Variants in RUNX1 observed in about 807,000 individuals in gnomAD.
RUNX1 encodes the protein runt-related transcription factor 1.
In RUNX1, 19 loss-of-function variants were observed where a neutral mutation model predicts 42.8. That is an observed-to-expected ratio of 0.44 (90% CI 0.31 to 0.65). RUNX1 has a LOEUF of 0.65. Among genes scored for constraint, RUNX1 ranks in the 30% least tolerant of loss-of-function variants. The probability of loss-of-function intolerance (pLI) is 0.07; values close to 1 mark genes in which losing one functional copy is unlikely to be tolerated. For synonymous variants in RUNX1, 271 were observed against 289.4 expected (o/e 0.94, Z 0.64); for missense variants, 528 against 672.0 (o/e 0.79, Z 2.37).
At chr21:34,948,147 G>C (rs9981056) in intron 2 of RUNX1, among the ~76,000 whole-genome samples, 1,982 of 151,014 alleles carry the variant, frequency 0.013, 39 homozygotes, top group African/African-American at 0.046. Context: ...TTCAGCTCTA[G>C]ATTTAGAATA....
intron 7 of RUNX1, among the ~76,000 whole-genome samples, chr21:34,814,391 T>C (rs2056797628): frequency 6.6e-6 from 1 of 152,168 alleles, no homozygotes; most frequent in Admixed American, 6.5e-5. Flanking sequence ...TGTGTGCGCC[T>C]TTTCTTCTAA....
intron 6 of RUNX1, among the ~76,000 whole-genome samples, chr21:34,835,046 A>ACTGG (rs1555890058): frequency 6.6e-6 from 1 of 152,180 alleles, no homozygotes; most frequent in Non-Finnish European, 1.5e-5. Context: ...AAACCCAGCC[A>ACTGG]CTGGCACGTT....
intron 2 of RUNX1, among the ~76,000 whole-genome samples, chr21:34,929,473 C>G (rs2058423854): frequency 6.6e-6 from 1 of 152,136 alleles, no homozygotes; most frequent in African/African-American, 2.4e-5. Flanking sequence ...TCTCTCTGCT[C>G]TTTATCTAAG....
At position 34,937,429 on chromosome 21, in the gene RUNX1, G is replaced by A. The variant is rs1000632704; in HGVS notation, c.59-44466C>T. On this transcript the variant is annotated intron_variant, in intron 2 of 8. Transcript: ENST00000675419. ...CTGAAATCATGCCTATAAGTTAATC[G>A]ATGAAGTTTTCTTTTATTCCTCAGT... Among the ~76,000 whole-genome samples the A allele has an allele frequency of 5.3e-5, 8 of 151,122 alleles. No individual in the cohort carries two copies. The South Asian group carries it at 1.5e-3, about 28-fold the overall frequency.
intron 3 of RUNX1, among the ~76,000 whole-genome samples, chr21:34,890,235 G>T (rs2058064502): frequency 6.6e-6 from 1 of 152,032 alleles, no homozygotes; most frequent in South Asian, 2.1e-4. Flanking sequence ...CTCCCTGGAC[G>T]CCGCGCGCAG....
chr21:35,026,924 G>A (rs1328818573), intron 2 of RUNX1, among the ~76,000 whole-genome samples: 1 of 152,242 alleles, frequency 6.6e-6, no homozygotes, highest in East Asian at 1.9e-4. Context: ...TGGTTTTCTC[G>A]CTCTCGCAAC....
chr21:34,934,380 A>G (rs539264458), intron 2 of RUNX1, among the ~76,000 whole-genome samples: 74 of 152,030 alleles, frequency 4.9e-4, no homozygotes, highest in Admixed American at 1.0e-3. Flanking sequence ...TTGCATCTAG[A>G]TATTTATTGA....
intron 5 of RUNX1, among the ~76,000 whole-genome samples, chr21:34,868,493 C>A (rs1008307586): frequency 4.6e-5 from 7 of 152,172 alleles, no homozygotes; most frequent in Non-Finnish European, 1.0e-4. Context: ...CCCCAACCAC[C>A]GCCACTGGAG....
chr21:34,852,388 C>T (rs2057434894), intron 6 of RUNX1, among the ~76,000 whole-genome samples: 1 of 152,174 alleles, frequency 6.6e-6, no homozygotes, highest in African/African-American at 2.4e-5. Context: ...AGACCTTAAC[C>T]TCCACTCTAG....
intron 7 of RUNX1, among the ~76,000 whole-genome samples, chr21:34,805,514 T>TAAG (rs2056667176): frequency 6.6e-6 from 1 of 152,186 alleles, no homozygotes; most frequent in Non-Finnish European, 1.5e-5. Context: ...GGAAAAAGGA[T>TAAG]AAGAATTACA....
At chr21:34,950,965 C>T (rs955364369) in intron 2 of RUNX1, among the ~76,000 whole-genome samples, 6 of 152,168 alleles carry the variant, frequency 3.9e-5, no homozygotes, top group African/African-American at 7.2e-5. Context: ...ATTTAGTGAA[C>T]GATTGCAGTG....
intron 2 of RUNX1, among the ~76,000 whole-genome samples, chr21:35,014,153 T>G (rs2059143705): frequency 6.6e-6 from 1 of 152,192 alleles, no homozygotes. Context: ...AAAGTACACA[T>G]AATTTTAAAA....
At chr21:34,815,886 G>A (rs989990737) in intron 7 of RUNX1, among the ~76,000 whole-genome samples, 3 of 152,200 alleles carry the variant, frequency 2.0e-5, no homozygotes, top group African/African-American at 7.2e-5. Flanking sequence ...AGAGGGAATG[G>A]GAAAGGGCAG....
At chr21:34,902,959 C>A (rs968834501) in intron 2 of RUNX1, among the ~76,000 whole-genome samples, 1 of 152,172 alleles carries the variant, frequency 6.6e-6, no homozygotes, top group East Asian at 1.9e-4. Flanking sequence ...CCAGAATCAA[C>A]TAGAGATAGG....
At chr21:35,021,116 C>T (rs2059194924) in intron 2 of RUNX1, among the ~76,000 whole-genome samples, 1 of 152,212 alleles carries the variant, frequency 6.6e-6, no homozygotes, top group South Asian at 2.1e-4. Context: ...TATGCTCATT[C>T]CCCATGACTG....
chr21:34,791,692 C>A lies in RUNX1; in HGVS notation c.*443G>T. On this transcript the variant is annotated 3_prime_UTR_variant, in exon 9 of 9. Coordinates refer to ENST00000675419, the MANE Select transcript of RUNX1 (RefSeq NM_001754.5). ...AAACAGGGCGAGTTGCATCCCTCCTCTCCCCCCACCCCAACCAAAATTCCA... is the reference window on the plus strand; with the variant it reads ...AAACAGGGCGAGTTGCATCCCTCCTATCCCCCCACCCCAACCAAAATTCCA... The A allele has an allele frequency of 4.3e-6, 1 of 231,026 alleles. No individual in the cohort carries two copies. The highest frequency in any genetic ancestry group is 8.6e-6 in the Non-Finnish European group (1 of 116,378). 14.3% of individuals were successfully genotyped at this position (231,026 alleles called of 1,614,324 possible).
intron 2 of RUNX1, among the ~76,000 whole-genome samples, chr21:34,986,406 C>T (rs996253491): frequency 2.0e-5 from 3 of 151,592 alleles, no homozygotes; most frequent in African/African-American, 7.3e-5. Context: ...ACTAACTCCA[C>T]AAGATGGGGG....
At chr21:34,832,278 A>G (rs571824629) in intron 7 of RUNX1, among the ~76,000 whole-genome samples, 1 of 152,326 alleles carries the variant, frequency 6.6e-6, no homozygotes, top group Admixed American at 6.5e-5. Flanking sequence ...ATGAGAACTC[A>G]ATGTGCAACT....
intron 7 of RUNX1, among the ~76,000 whole-genome samples, chr21:34,809,856 G>A (rs2056734936): frequency 2.6e-5 from 4 of 152,226 alleles, no homozygotes; most frequent in African/African-American, 9.6e-5. Context: ...CTTTACGTCT[G>A]GGACTGCAGA....
Sources: gnomAD v4.1 joint callset for allele counts (sites outside exome capture counted in the v4.1 genomes callset) on GRCh38, gnomAD v4.1.1 for gene constraint, MANE v1.5 for transcripts, NCBI Gene and HGNC (gene_info 2026-07-23, HGNC 2026-07-21) for gene names.